The following ZNF84 variants were observed in gnomAD, a reference collection of about 807,000 sequenced individuals.
ZNF84 encodes zinc finger protein HPF2.
Under a neutral mutation model 14.8 loss-of-function variants are expected in ZNF84, and 12 were observed. That is an observed-to-expected ratio of 0.81 (90% CI 0.52 to 1.31). The LOEUF (loss-of-function observed/expected upper bound fraction) is 1.31. ZNF84 is among the 50% of genes most tolerant of loss of function. ZNF84 has a pLI of 0.00. For synonymous variants in ZNF84, 347 were observed against 291.1 expected, an observed-to-expected ratio of 1.19 and a Z score of -1.96; for missense variants, 859 against 878.6, an observed-to-expected ratio of 0.98 and a Z score of 0.28.
chr12:133,059,968 T>G lies in ZNF84; in HGVS notation c.*1036T>G, dbSNP rs1336342070. 6.6e-6 allele frequency: 1 copy of G among 152,176 alleles called. No homozygotes were observed. The highest frequency in any genetic ancestry group is 6.5e-5 in the Admixed American group (1 of 15,278). 9.4% of individuals were successfully genotyped at this position (152,176 alleles called of 1,614,324 possible). A position where few individuals can be genotyped will look rare whatever the true frequency, so the allele number is the denominator to read the frequency against. Reference sequence around the variant, plus strand: ...AGTAACAGTTTATATAAAATAAATATGCAAAGGCAGGAACCACAGAATAAC... The same window carrying G: ...AGTAACAGTTTATATAAAATAAATAGGCAAAGGCAGGAACCACAGAATAAC... On this transcript the variant is annotated 3_prime_UTR_variant, in exon 5 of 5. Transcript: ENST00000539354.
rs1954221160 is a variant in ZNF84 at position 133,059,475 on chromosome 12, A to G, written c.*543A>G. 1 of 154,118 alleles carries G rather than the reference A, an allele frequency of 6.5e-6. No homozygotes were observed. The highest frequency in any genetic ancestry group is 1.4e-5 in the Non-Finnish European group (1 of 69,452). The allele number at this position is 154,118 out of a possible 1,614,324, so 9.5% of individuals were successfully genotyped here. ...ACTTGCCCCTCAGTATAGTACTGTC[A>G]AGGGAAGCCATACACTTTTTGTAGA... On this transcript the variant is annotated 3_prime_UTR_variant, in exon 5 of 5. Coordinates refer to ENST00000539354, the MANE Select transcript of ZNF84 (RefSeq NM_001289971.2).
rs1204409803 is a variant in ZNF84, at chr12:133,060,957, T to G, written c.*2025T>G. On this transcript the variant is annotated 3_prime_UTR_variant, in exon 5 of 5. Coordinates refer to ENST00000539354, the MANE Select transcript of ZNF84 (RefSeq NM_001289971.2). Reference sequence around the variant, plus strand: ...AAACTCAAGACTTCTCCTTTTATGTTCAAATTGTTGTATCAGTATGGTATT... The same window carrying G: ...AAACTCAAGACTTCTCCTTTTATGTGCAAATTGTTGTATCAGTATGGTATT... The G allele has an allele frequency of 6.6e-6, 1 of 152,238 alleles. No individual in the cohort carries two copies. Among genetic ancestry groups the G allele is most frequent in the Non-Finnish European group, 1.5e-5 (1 of 68,042 alleles). The allele number at this position is 152,238 out of a possible 1,614,324, so 9.4% of individuals were successfully genotyped here.
Position 133,053,996 on chromosome 12 carries a change from C to T in ZNF84, c.239-2958C>T, listed in dbSNP as rs938552990. 8.7e-3 allele frequency among the ~76,000 whole-genome samples: 1,320 copies of T among 152,244 alleles called. 21 individuals are homozygous for T. The highest frequency in any genetic ancestry group is 0.03 in the African/African-American group (1,261 of 41,516). ...GACATTTAAATTTGTAGAATGTTTTCACATTACTGATTATCTTTCTTACCT... is the reference window on the plus strand; with the variant it reads ...GACATTTAAATTTGTAGAATGTTTTTACATTACTGATTATCTTTCTTACCT... On this transcript the variant is annotated intron_variant, in intron 4 of 4. Transcript: ENST00000539354.
In ZNF84 at chr12:133,057,281, A is replaced by G; in HGVS notation, c.566A>G (p.Tyr189Cys). The stretch of plus-strand genomic sequence containing the variant: ...GACTGTGATAAATATAAAGAGAGCT[A>G]TAAAAAGTCACAGATTATCATATAT... ...YYDCDKYKES[Y>C]KKSQIIIYHR... Residue 189 changes from tyrosine (Y) to cysteine (C), a missense_variant, in exon 5 of 5, where the codon TAT (tyrosine) becomes TGT (cysteine). Coordinates refer to ENST00000539354, the MANE Select transcript of ZNF84 (RefSeq NM_001289971.2). The G allele has an allele frequency of 1.9e-6, 3 of 1,613,718 alleles. No individual in the cohort carries two copies. The highest frequency in any genetic ancestry group is 2.2e-5 in the South Asian group (2 of 90,952).
intron 4 of ZNF84, among the ~76,000 whole-genome samples, chr12:133,051,866 A>G (rs1954075621): frequency 1.3e-5 from 2 of 152,182 alleles, no homozygotes; most frequent in African/African-American, 4.8e-5. Context: ...TATGGATGGT[A>G]GTTTTGGTCC....
intron 1 of ZNF84, chr12:133,038,793 C>T (rs1315653703): frequency 2.6e-5 from 4 of 151,982 alleles, no homozygotes; most frequent in Non-Finnish European, 4.4e-5. Context: ...TCTTGATATT[C>T]CTACATATTT....
At position 133,058,138 on chromosome 12, in the gene ZNF84, G is replaced by T; in HGVS notation, c.1423G>T (p.Val475Phe). The change falls in exon 5 of 5, where the codon GTT (valine) becomes TTT (phenylalanine). Residue 475 changes from valine (V) to phenylalanine (F), a missense_variant. Transcript: ENST00000539354. ...GKAFSRKSQL[V>F]RHQRTHTGEK... ...AGCCTTCAGCAGGAAATCACAGCTCGTTAGACATCAGAGAACTCATACGGG... is the reference window on the plus strand; with the variant it reads ...AGCCTTCAGCAGGAAATCACAGCTCTTTAGACATCAGAGAACTCATACGGG... The T allele has an allele frequency of 4.3e-6, 7 of 1,613,778 alleles. No homozygotes were observed. The highest frequency in any genetic ancestry group is 5.9e-6 in the Non-Finnish European group (7 of 1,179,988).
Position 133,061,096 on chromosome 12 carries a change from A to G in ZNF84, c.*2164A>G, listed in dbSNP as rs1301784349. The G allele has an allele frequency of 1.3e-5, 2 of 152,238 alleles. No homozygotes were observed. Among genetic ancestry groups the G allele is most frequent in the East Asian group, 3.8e-4 (2 of 5,196 alleles). 9.4% of individuals were successfully genotyped at this position (152,238 alleles called of 1,614,324 possible). A position where few individuals can be genotyped will look rare whatever the true frequency, so the allele number is the denominator to read the frequency against. ...TTTTCTAAACCAGAATACCAGTTCA[A>G]CAGCCAAATAATTCTGTCTTTCCAT... is the stretch of plus-strand genomic sequence containing the variant. On this transcript the variant is annotated 3_prime_UTR_variant, in exon 5 of 5. Coordinates refer to ENST00000539354, the MANE Select transcript of ZNF84 (RefSeq NM_001289971.2).
At position 133,061,508 on chromosome 12, in the gene ZNF84, T is replaced by G. The variant is rs1954263948; in HGVS notation, c.*2576T>G. On this transcript the variant is annotated 3_prime_UTR_variant, in exon 5 of 5. Coordinates refer to ENST00000539354, the MANE Select transcript of ZNF84 (RefSeq NM_001289971.2). ...ACTTCCTACTTTTTAATATCTCAAA[T>G]TCATTTTACTAGACGTGGGAGACCA... 6.6e-6 allele frequency: 1 copy of G among 152,150 alleles called. No homozygotes were observed. Among genetic ancestry groups the G allele is most frequent in the South Asian group, 2.1e-4 (1 of 4,826 alleles). 9.4% of individuals were successfully genotyped at this position (152,150 alleles called of 1,614,324 possible). A position where few individuals can be genotyped will look rare whatever the true frequency, so the allele number is the denominator to read the frequency against.
intron 4 of ZNF84, among the ~76,000 whole-genome samples, chr12:133,055,096 CAG>C (rs1422712696): frequency 6.6e-6 from 1 of 152,064 alleles, no homozygotes; most frequent in Non-Finnish European, 1.5e-5. Flanking sequence ...TATTATGTAA[CAG>C]AACTATATTC....
At position 133,057,438 on chromosome 12, in the gene ZNF84, CA is replaced by C; in HGVS notation, c.727del (p.Thr243ProfsTer209). On this transcript the variant is annotated frameshift_variant, in exon 5 of 5. Transcript: ENST00000539354. LOFTEE classifies it low-confidence loss of function (END_TRUNC). ...DIAFGCGNCG[K>X]TFPQKSQFIT... is the part of the protein sequence containing the mutation. ...TAGCCTTTGGCTGTGGTAATTGTGG[CA>C]AAACCTTTCCCCAGAAGTCTCAGTT... 3.1e-6 allele frequency: 5 copies of C among 1,614,198 alleles called. No individual in the cohort carries two copies. The highest frequency in any genetic ancestry group is 3.4e-6 in the Non-Finnish European group (4 of 1,180,028).
intron 4 of ZNF84, chr12:133,050,507 G>A (rs1954052845): frequency 2.5e-6 from 1 of 398,502 alleles, no homozygotes; most frequent in African/African-American, 2.1e-5. Context: ...CTATAGACTT[G>A]TAATCTCTGC....
chr12:133,059,310 A>G lies in ZNF84; in HGVS notation c.*378A>G. 1 of 314,334 alleles carries G rather than the reference A, an allele frequency of 3.2e-6. No individual in the cohort carries two copies. Among genetic ancestry groups the G allele is most frequent in the Non-Finnish European group, 5.8e-6 (1 of 172,638 alleles). The allele number at this position is 314,334 out of a possible 1,614,324, so 19.5% of individuals were successfully genotyped here. On this transcript the variant is annotated 3_prime_UTR_variant, in exon 5 of 5. Transcript: ENST00000539354. ...CAATATTTTTAAGAAATGACAGTTC[A>G]TTGTACATAAGAAAATGCTCTTAGG...
At chr12:133,056,185 T>A (rs1043481213) in intron 4 of ZNF84, among the ~76,000 whole-genome samples, 1 of 152,242 alleles carries the variant, frequency 6.6e-6, no homozygotes, top group Non-Finnish European at 1.5e-5. Context: ...GTATAGTTTG[T>A]TGTTTTAAAA....
chr12:133,055,346 T>A (rs1156866202), intron 4 of ZNF84, among the ~76,000 whole-genome samples: 55 of 147,630 alleles, frequency 3.7e-4, no homozygotes, highest in African/African-American at 1.5e-3. Flanking sequence ...AACAAAAAAA[T>A]TAAATCTTTT....
chr12:133,044,681 C>T (rs745491401), intron 2 of ZNF84, among the ~76,000 whole-genome samples: 2 of 151,934 alleles, frequency 1.3e-5, no homozygotes, highest in East Asian at 1.9e-4. Flanking sequence ...TTTGGGAGGC[C>T]GAGTAGGGTA....
At position 133,060,039 on chromosome 12, in the gene ZNF84, A is replaced by G. The variant is rs372210427; in HGVS notation, c.*1107A>G. 1.2e-4 allele frequency: 19 copies of G among 152,364 alleles called. No individual in the cohort carries two copies. In the East Asian group the frequency reaches 2.9e-3, roughly 23 times the overall value. 9.4% of individuals were successfully genotyped at this position (152,364 alleles called of 1,614,324 possible). A position where few individuals can be genotyped will look rare whatever the true frequency, so the allele number is the denominator to read the frequency against. The stretch of plus-strand genomic sequence containing the variant: ...TGAGCAAAATAAAGGTGTGTGAACT[A>G]CATTACAACACCCAAACTAAATGAA... On this transcript the variant is annotated 3_prime_UTR_variant, in exon 5 of 5. Coordinates refer to ENST00000539354, the MANE Select transcript of ZNF84 (RefSeq NM_001289971.2).
At chr12:133,038,579 C>T (rs1049130711) in intron 1 of ZNF84, among the ~76,000 whole-genome samples, 11 of 151,466 alleles carry the variant, frequency 7.3e-5, no homozygotes, top group Non-Finnish European at 1.6e-4. Context: ...AAAAAGTGTC[C>T]GAATTGTTCT....
intron 2 of ZNF84, chr12:133,047,641 T>G: frequency 5.0e-6 from 1 of 198,832 alleles, no homozygotes. Context: ...TGTAGACACC[T>G]TCGTCTTTCT....
Sources: allele counts gnomAD v4.1 joint callset (sites outside exome capture counted in the v4.1 genomes callset), GRCh38; gene constraint gnomAD v4.1.1; transcripts MANE v1.5; gene names NCBI Gene and HGNC (gene_info 2026-07-23, HGNC 2026-07-21).